SET: variants seen among roughly 807,000 people sequenced by gnomAD.
The protein encoded by SET is SET nuclear proto-oncogene, also known as protein SET.
In SET, 4 loss-of-function variants were observed where a neutral mutation model predicts 39.0. The ratio of observed to expected loss-of-function variants is 0.10; its 90% CI spans 0.05 to 0.23. SET has a LOEUF of 0.23. SET is among the 10% of genes least tolerant of loss of function. The pLI, the probability that SET is intolerant of heterozygous loss-of-function variation, is 1.00. For missense variants in SET, 137 were observed against 329.7 expected (o/e 0.42, Z 4.53); for synonymous variants, 114 against 115.9 (o/e 0.98, Z 0.11).
chr9:128,683,699 C>A (rs573855930), exon 1 of SET: 95 of 506,434 alleles, frequency 1.9e-4, no homozygotes, highest in African/African-American at 1.8e-3. Context: ...AGAAATTTCT[C>A]CTGATTGGAG....
At chr9:128,686,564 T>C (rs969594867), upstream of SET, among the ~76,000 whole-genome samples, 6 of 152,114 alleles carry the variant, frequency 3.9e-5, no homozygotes, top group Non-Finnish European at 7.4e-5. Context: ...TTTGGTGGGG[T>C]GTGACCTGCA....
chr9:128,683,461 C>G (rs114035912), upstream of SET: 13 of 227,724 alleles, frequency 5.7e-5, no homozygotes, highest in African/African-American at 2.9e-4. Flanking sequence ...GGCAACAGCA[C>G]GTGTTTAAAT....
intron 1 of SET, chr9:128,690,082 G>C (rs1311069800): frequency 3.6e-6 from 2 of 561,238 alleles, no homozygotes; most frequent in African/African-American, 2.1e-5. Flanking sequence ...CTTCGCGCCC[G>C]GCCCGCGGCG....
intron 3 of SET, 169 bp from the exon 4 acceptor site, chr9:128,692,493 T>C (rs1177269337): frequency 1.8e-6 from 1 of 557,460 alleles, no homozygotes; most frequent in Non-Finnish European, 3.2e-6. Context: ...TTCTAATTGC[T>C]TGATGAAAGA....
chr9:128,685,806 C>T (rs1861263335), upstream of SET, among the ~76,000 whole-genome samples: 1 of 152,086 alleles, frequency 6.6e-6, no homozygotes, highest in African/African-American at 2.4e-5. Context: ...CCGAGGTGGG[C>T]AGATCACCTG....
intron 1 of SET, chr9:128,690,269 A>G (rs1861477381): frequency 6.5e-6 from 1 of 152,816 alleles, no homozygotes; most frequent in African/African-American, 2.4e-5. Flanking sequence ...CCGTCGCGCC[A>G]GCGTGCGGAG....
chr9:128,691,234 T>G lies in SET; in HGVS notation c.131+7T>G, dbSNP rs1409761633. Reference sequence around the variant, plus strand: ...TACAAAATGAAATAGACAGGTAACATTTTTCTTAATATACTTCGGAGAAAT... The same window carrying G: ...TACAAAATGAAATAGACAGGTAACAGTTTTCTTAATATACTTCGGAGAAAT... On this transcript the variant is annotated splice_region_variant and intron_variant, in intron 2 of 7. Coordinates refer to ENST00000322030, the MANE Select transcript of SET (RefSeq NM_003011.4). 2.6e-6 allele frequency: 4 copies of G among 1,565,004 alleles called. No homozygotes were observed. The highest frequency in any genetic ancestry group is 4.5e-5 in the East Asian group (2 of 44,602).
At position 128,696,230 on chromosome 9, in the gene SET, T is replaced by C; in HGVS notation, c.*1566T>C. The C allele has an allele frequency of 4.9e-6, 1 of 205,124 alleles. No individual in the cohort carries two copies. Among genetic ancestry groups the C allele is most frequent in the Admixed American group, 5.9e-5 (1 of 17,050 alleles). 12.7% of individuals were successfully genotyped at this position (205,124 alleles called of 1,614,324 possible). On this transcript the variant is annotated 3_prime_UTR_variant, in exon 8 of 8. Transcript: ENST00000322030. ...CTGGTGAACTTCAAAAGCTTTTTGATGTATAAAACTTGATAAATGGAACTA... is the reference window on the plus strand; with the variant it reads ...CTGGTGAACTTCAAAAGCTTTTTGACGTATAAAACTTGATAAATGGAACTA...
chr9:128,694,565 TG>T, intron 7 of SET, 75 bp from the exon 8 acceptor site: 2 of 968,584 alleles, frequency 2.1e-6, no homozygotes, highest in South Asian at 1.5e-5. Context: ...GGGGCACTCG[TG>T]GGGTCCATTG....
chr9:128,694,968 G>T lies in SET; in HGVS notation c.*304G>T, dbSNP rs1487277352. The T allele has an allele frequency of 1.1e-5, 3 of 277,432 alleles. No individual in the cohort carries two copies. Among genetic ancestry groups the T allele is most frequent in the Admixed American group, 1.1e-4 (2 of 18,970 alleles). 17.2% of individuals were successfully genotyped at this position (277,432 alleles called of 1,614,324 possible). A position where few individuals can be genotyped will look rare whatever the true frequency, so the allele number is the denominator to read the frequency against. ...GCTCTGTGGGAAAAAAGAAAAACCT[G>T]CTCCCTTCGCTCTGCTGGAAGCTGG... On this transcript the variant is annotated 3_prime_UTR_variant, in exon 8 of 8. Transcript: ENST00000322030.
chr9:128,691,839 C>A lies in SET; in HGVS notation c.132-19C>A. On this transcript the variant is annotated intron_variant, in intron 2 of 7. Transcript: ENST00000322030. ...TGTTAAATACTATCATTGTCAACAT[C>A]TCTTTTCATTTGCTTCAGACTTAAT... is the stretch of plus-strand genomic sequence containing the variant. 1 of 1,601,034 alleles carries A rather than the reference C, an allele frequency of 6.2e-7. No homozygotes were observed. Among genetic ancestry groups the A allele is most frequent in the South Asian group, 1.1e-5 (1 of 88,832 alleles).
upstream of SET, among the ~76,000 whole-genome samples, chr9:128,687,613 C>T (rs1861329760): frequency 1.2e-5 from 1 of 86,770 alleles, no homozygotes; most frequent in Non-Finnish European, 2.5e-5. Context: ...GTCCCCTCCC[C>T]CACCAAAAAA....
chr9:128,688,351 A>T (rs1282594048), upstream of SET, among the ~76,000 whole-genome samples: 3 of 152,196 alleles, frequency 2.0e-5, no homozygotes, highest in Non-Finnish European at 4.4e-5. Flanking sequence ...GGCCCTCCTT[A>T]GTGGTTCAGA....
chr9:128,694,348 G>A (rs1453361085), intron 7 of SET, among the ~76,000 whole-genome samples: 3 of 152,006 alleles, frequency 2.0e-5, no homozygotes, highest in African/African-American at 7.3e-5. Context: ...TGACATCTCT[G>A]AAATAACAAA....
In SET at chr9:128,695,273, T is replaced by G. The variant is rs1589464672; in HGVS notation, c.*609T>G. 4.5e-6 allele frequency: 1 copy of G among 223,002 alleles called. No homozygotes were observed. Among genetic ancestry groups the G allele is most frequent in the Non-Finnish European group, 9.1e-6 (1 of 109,372 alleles). The allele number at this position is 223,002 out of a possible 1,614,324, so 13.8% of individuals were successfully genotyped here. ...TCCTTTGGCATGTTTAATTGTGATATTTGACAGACATCCTTGCAGTTTAAG... is the reference window on the plus strand; with the variant it reads ...TCCTTTGGCATGTTTAATTGTGATAGTTGACAGACATCCTTGCAGTTTAAG... On this transcript the variant is annotated 3_prime_UTR_variant, in exon 8 of 8. Transcript: ENST00000322030.
chr9:128,689,144 T>G, upstream of SET: 1 of 439,514 alleles, frequency 2.3e-6, no homozygotes, highest in Non-Finnish European at 3.0e-6. Context: ...CCCAGGCCAA[T>G]GGCGCCGCGG....
rs1861634986 is a variant in SET at position 128,693,952 on chromosome 9, A to T, written c.720A>T (p.Glu240Asp). ...GAGAAGAAGATGATGATGATGATGA[A>T]GAGGAGGAAGGATTAGAAGATATTG... Reference protein sequence around the residue: ...GEGEEDDDDDEEEEGLEDIDE... With the variant: ...GEGEEDDDDDDEEEGLEDIDE... The change falls in exon 7 of 8, where the codon GAA becomes GAT. Residue 240 changes from glutamate to aspartate, a missense_variant. Transcript: ENST00000322030. 3 of 1,548,228 alleles carry T rather than the reference A, an allele frequency of 1.9e-6. No individual in the cohort carries two copies. The highest frequency in any genetic ancestry group is 1.4e-5 in the African/African-American group (1 of 73,678).
upstream of SET, among the ~76,000 whole-genome samples, chr9:128,687,539 C>T (rs985953196): frequency 1.4e-5 from 2 of 145,038 alleles, no homozygotes; most frequent in Non-Finnish European, 3.0e-5. Flanking sequence ...ACCCGGGAGG[C>T]GGAGGTTGCA....
Position 128,689,590 on chromosome 9 carries a change from C to T in SET, c.8C>T (p.Ala3Val), listed in dbSNP as rs1241295194. The T allele has an allele frequency of 4.4e-6, 6 of 1,374,512 alleles. No individual in the cohort carries two copies. In the South Asian group the frequency reaches 6.2e-5, roughly 14 times the overall value. 85.1% of individuals were successfully genotyped at this position (1,374,512 alleles called of 1,614,324 possible). A position where few individuals can be genotyped will look rare whatever the true frequency, so the allele number is the denominator to read the frequency against. Residue 3 changes from alanine to valine, a missense_variant, in exon 1 of 8, where the codon GCG (alanine) becomes GTG (valine). By Grantham distance (64) the Ala-to-Val change is moderately conservative. Transcript: ENST00000322030. MS[A>V]PAAKVSKKEL... ...CGACCGCGGAGCAGCACCATGTCGG[C>T]GCCGGCGGCCAAAGTCAGTAAAAAG...
Sources: allele counts gnomAD v4.1 joint callset (sites outside exome capture counted in the v4.1 genomes callset), GRCh38; gene constraint gnomAD v4.1.1; transcripts MANE v1.5; gene names NCBI Gene and HGNC (gene_info 2026-07-23, HGNC 2026-07-21).